The following OPCML variants were observed in gnomAD, a reference collection of about 807,000 sequenced individuals.
OPCML encodes the protein opioid-binding protein/cell adhesion molecule.
OPCML carries 13 observed loss-of-function variants against 37.8 expected under a neutral mutation model. The ratio of observed to expected loss-of-function variants is 0.34; its 90% CI spans 0.22 to 0.55. The LOEUF (loss-of-function observed/expected upper bound fraction) is 0.55. OPCML is among the 20% of genes least tolerant of loss of function. The pLI is 0.91. For synonymous variants in OPCML, 176 were observed against 168.8 expected (o/e 1.04, Z -0.33); for missense variants, 341 against 435.6 (o/e 0.78, Z 1.93).
intron 2 of OPCML, among the ~76,000 whole-genome samples, chr11:132,667,769 T>A (rs1180645298): frequency 6.6e-6 from 1 of 152,116 alleles, no homozygotes; most frequent in Non-Finnish European, 1.5e-5. Flanking sequence ...TGCAAAAAAG[T>A]GAAATAACTA....
chr11:133,320,246 C>A (rs1042462002), intron 1 of OPCML, among the ~76,000 whole-genome samples: 3 of 152,176 alleles, frequency 2.0e-5, no homozygotes, highest in African/African-American at 7.2e-5. Context: ...TGTTTAAAGA[C>A]AGAATTTGTA....
At chr11:132,917,839 T>C (rs1944657313) in intron 2 of OPCML, among the ~76,000 whole-genome samples, 1 of 152,176 alleles carries the variant, frequency 6.6e-6, no homozygotes. Flanking sequence ...GAGGGCCTAC[T>C]TGGATCATTT....
At chr11:133,285,858 G>A (rs1245018543) in intron 1 of OPCML, among the ~76,000 whole-genome samples, 1 of 152,170 alleles carries the variant, frequency 6.6e-6, no homozygotes, top group Middle Eastern at 3.2e-3. Flanking sequence ...TAAGGCTGCA[G>A]TACAAAGATG....
intron 1 of OPCML, among the ~76,000 whole-genome samples, chr11:133,164,108 A>G (rs1950178949): frequency 6.6e-6 from 1 of 152,210 alleles, no homozygotes; most frequent in Non-Finnish European, 1.5e-5. Flanking sequence ...CTCCTGTATT[A>G]AGTGACCTTA....
At chr11:132,878,110 A>C (rs1943088338) in intron 2 of OPCML, among the ~76,000 whole-genome samples, 1 of 151,886 alleles carries the variant, frequency 6.6e-6, no homozygotes, top group Non-Finnish European at 1.5e-5. Context: ...TGAACCCAGG[A>C]GGCGGAGATT....
intron 2 of OPCML, among the ~76,000 whole-genome samples, chr11:132,696,008 C>A (rs1943586612): frequency 6.6e-6 from 1 of 152,156 alleles, no homozygotes; most frequent in Admixed American, 6.5e-5. Context: ...CAAGTCAGTT[C>A]TTCCTCCAGC....
chr11:133,453,120 T>A (rs987483521), intron 1 of OPCML, among the ~76,000 whole-genome samples: 111 of 152,280 alleles, frequency 7.3e-4, no homozygotes, highest in African/African-American at 2.6e-3. Context: ...CTGTCTAGAT[T>A]TAGCAGAATT....
intron 2 of OPCML, among the ~76,000 whole-genome samples, chr11:132,717,640 A>T (rs1214435319): frequency 6.6e-6 from 1 of 152,214 alleles, no homozygotes; most frequent in Non-Finnish European, 1.5e-5. Context: ...TATTGTAGTT[A>T]AAAAAGTTAA....
chr11:133,330,819 A>G (rs1240200327), intron 1 of OPCML, among the ~76,000 whole-genome samples: 1 of 152,236 alleles, frequency 6.6e-6, no homozygotes, highest in Admixed American at 6.5e-5. Flanking sequence ...CATGTACCCT[A>G]AAACTTAAAG....
intron 2 of OPCML, among the ~76,000 whole-genome samples, chr11:132,781,178 C>T (rs1210948611): frequency 1.3e-5 from 2 of 152,034 alleles, no homozygotes; most frequent in South Asian, 2.1e-4. Context: ...TTTGGTCAAC[C>T]GTTATTCTGG....
chr11:133,493,674 T>C (rs1947716383), intron 1 of OPCML, among the ~76,000 whole-genome samples: 1 of 152,210 alleles, frequency 6.6e-6, no homozygotes, highest in Non-Finnish European at 1.5e-5. Flanking sequence ...TCTTAATTAC[T>C]ACATAAGATA....
At chr11:132,886,552 G>A (rs1193665273) in intron 2 of OPCML, among the ~76,000 whole-genome samples, 1 of 152,212 alleles carries the variant, frequency 6.6e-6, no homozygotes, top group East Asian at 1.9e-4. Flanking sequence ...CAGGCAGGTG[G>A]CTCCTCCAGG....
At chr11:133,204,600 T>C (rs1258675063) in intron 1 of OPCML, among the ~76,000 whole-genome samples, 1 of 152,006 alleles carries the variant, frequency 6.6e-6, no homozygotes, top group African/African-American at 2.4e-5. Flanking sequence ...TGTGTTTGGG[T>C]ATTTCGTGTT....
intron 2 of OPCML, among the ~76,000 whole-genome samples, chr11:132,877,518 A>C (rs1202447983): frequency 6.6e-6 from 1 of 152,202 alleles, no homozygotes; most frequent in Non-Finnish European, 1.5e-5. Flanking sequence ...AAGGGGCAGC[A>C]GGGGAATGCT....
At chr11:132,923,218 A>C (rs2136595019) in intron 2 of OPCML, among the ~76,000 whole-genome samples, 1 of 152,224 alleles carries the variant, frequency 6.6e-6, no homozygotes, top group East Asian at 1.9e-4. Context: ...GGTAAACAGA[A>C]AACACTAAAA....
chr11:133,180,481 A>C (rs1341413889), intron 1 of OPCML, among the ~76,000 whole-genome samples: 1 of 152,150 alleles, frequency 6.6e-6, no homozygotes, highest in East Asian at 1.9e-4. Context: ...AGCAAATGTA[A>C]GCTTCATGGA....
At chr11:133,251,507 T>C (rs1941132731) in intron 1 of OPCML, among the ~76,000 whole-genome samples, 1 of 151,996 alleles carries the variant, frequency 6.6e-6, no homozygotes, top group African/African-American at 2.4e-5. Flanking sequence ...GCTTGGAACA[T>C]TTTTCCTTTA....
chr11:132,505,269 A>G (rs1284079866), intron 4 of OPCML, among the ~76,000 whole-genome samples: 1 of 152,176 alleles, frequency 6.6e-6, no homozygotes, highest in Non-Finnish European at 1.5e-5. Flanking sequence ...AATAAAGACT[A>G]GTCACAAAAA....
At chr11:132,827,350 A>G (rs1940411701) in intron 2 of OPCML, among the ~76,000 whole-genome samples, 1 of 152,202 alleles carries the variant, frequency 6.6e-6, no homozygotes, top group Non-Finnish European at 1.5e-5. Flanking sequence ...GCAAATTTAA[A>G]CAATGAAATA....
Sources: allele counts gnomAD v4.1 joint callset (sites outside exome capture counted in the v4.1 genomes callset), GRCh38; gene constraint gnomAD v4.1.1; transcripts MANE v1.5; gene names NCBI Gene and HGNC (gene_info 2026-07-23, HGNC 2026-07-21).